ADH6: variants seen among roughly 807,000 people sequenced by gnomAD.
The protein encoded by ADH6 is alcohol dehydrogenase 6 (class V).
A neutral mutation model predicts 36.5 loss-of-function variants in ADH6; 34 were observed. The ratio of observed to expected loss-of-function variants is 0.93; its 90% CI spans 0.71 to 1.24. The LOEUF (loss-of-function observed/expected upper bound fraction) is 1.24. Ranked by LOEUF, ADH6 falls within the 50% of genes most tolerant of loss-of-function variation. ADH6 has a pLI of 0.00. For synonymous variants in ADH6, 161 were observed against 155.5 expected, an observed-to-expected ratio of 1.04 and a Z score of -0.26; for missense variants, 440 against 447.0, an observed-to-expected ratio of 0.98 and a Z score of 0.14.
chr4:99,204,427 AG>A, intron 8 of ADH6, 184 bp from the exon 9 acceptor site: 1 of 1,406,038 alleles, frequency 7.1e-7, no homozygotes, highest in Non-Finnish European at 9.2e-7. Context: ...AAGGGTAAAA[AG>A]TAGGTAAGCA....
chr4:99,205,973 G>A lies in ADH6; in HGVS notation c.965-910C>T, dbSNP rs1393578780. ...TAATTTAAGTTTGTTTCTGTTATGT[G>A]TAACCAAGAATACTAATTACTGTTC... On this transcript the variant is annotated intron_variant, in intron 7 of 8. Coordinates refer to ENST00000394899, the MANE Select transcript of ADH6 (RefSeq NM_001102470.2). Among the ~76,000 whole-genome samples the A allele has an allele frequency of 2.0e-5, 3 of 152,058 alleles. No individual in the cohort carries two copies. In the East Asian group the frequency reaches 5.8e-4, roughly 29 times the overall value.
chr4:99,205,812 T>C (rs1017195249), intron 7 of ADH6, among the ~76,000 whole-genome samples: 3 of 152,162 alleles, frequency 2.0e-5, no homozygotes, highest in African/African-American at 4.8e-5. Flanking sequence ...TAATGTGGCG[T>C]AATCTGCTTA....
intron 3 of ADH6, 118 bp downstream of exon 3, chr4:99,213,488 G>C (rs1196002053): frequency 1.0e-6 from 1 of 954,330 alleles, no homozygotes; most frequent in Non-Finnish European, 1.5e-6. Flanking sequence ...TTTCTAAGAA[G>C]TTGGAAACAT....
rs559724528 is a variant in ADH6 at position 99,210,552 on chromosome 4, G to T, written c.263-50C>A. ...TTAACATATTATTTTTTAAAGTAAA[G>T]ACATAGCTGTCTTTCAGGATTTTGA... On this transcript the variant is annotated intron_variant, in intron 3 of 8. Coordinates refer to ENST00000394899, the MANE Select transcript of ADH6 (RefSeq NM_001102470.2). 6.4e-6 allele frequency: 9 copies of T among 1,415,196 alleles called. No homozygotes were observed. The South Asian group carries it at 9.8e-5, about 15-fold the overall frequency. 87.7% of individuals were successfully genotyped at this position (1,415,196 alleles called of 1,614,324 possible).
In ADH6 at chr4:99,207,448, C is replaced by T. The variant is rs1397954670; in HGVS notation, c.962G>A (p.Gly321Glu). Residue 321 changes from glycine to glutamate, a missense_variant and splice_region_variant, in exon 7 of 9, where the codon GGA becomes GAA. Transcript: ENST00000394899. ...SGRSLKGSVF[G>E]GWKSRQHIPK... ...ACCTTTCCCTGCTTCATCCATACCT[C>T]CAAAAACAGAACCCTTCAAAGAACG... 2 of 1,613,170 alleles carry T rather than the reference C, an allele frequency of 1.2e-6. No individual in the cohort carries two copies. The highest frequency in any genetic ancestry group is 8.5e-7 in the Non-Finnish European group (1 of 1,179,450).
At chr4:99,212,155 T>C (rs916893096) in intron 3 of ADH6, among the ~76,000 whole-genome samples, 1 of 152,186 alleles carries the variant, frequency 6.6e-6, no homozygotes, top group Non-Finnish European at 1.5e-5. Context: ...GTTTCTAGAA[T>C]TGAAACTGTT....
rs576633024 is a variant in ADH6 at position 99,203,043 on chromosome 4, C to A, written c.*1176G>T. The A allele has an allele frequency of 1.4e-4, 55 of 380,972 alleles. No homozygotes were observed. The highest frequency in any genetic ancestry group is 1.1e-3 in the African/African-American group (53 of 48,304). The allele number at this position is 380,972 out of a possible 1,614,324, so 23.6% of individuals were successfully genotyped here. A position where few individuals can be genotyped will look rare whatever the true frequency, so the allele number is the denominator to read the frequency against. ...TGGGAGAGAGAGACTGAGGGTGCAG[C>A]CCACCTTCCTGGCCAGTGTTAAATC... On this transcript the variant is annotated 3_prime_UTR_variant, in exon 9 of 9. Transcript: ENST00000394899.
intron 1 of ADH6, among the ~76,000 whole-genome samples, chr4:99,217,257 T>G (rs552499988): frequency 5.9e-5 from 9 of 152,044 alleles, no homozygotes; most frequent in Non-Finnish European, 7.4e-5. Flanking sequence ...AGGATGTTCT[T>G]GATCTCCTGA....
Position 99,204,221 on chromosome 4 carries a change from A to C in ADH6, c.1126T>G (p.Ter376GluextTer19). 3 of 1,602,762 alleles carry C rather than the reference A, an allele frequency of 1.9e-6. No homozygotes were observed. The South Asian group carries it at 3.3e-5, about 18-fold the overall frequency. ...GTCTTGCATGTATTACATTGTACTT[A>C]AAGTAACAGGATACAGCGGATACTG... is the stretch of plus-strand genomic sequence containing the variant. ...GKCIRCILLL[*>E] The change falls in exon 9 of 9, where the codon TAA becomes GAA. Residue 376 changes from the stop codon to glutamate, a stop_lost. Transcript: ENST00000394899.
intron 7 of ADH6, among the ~76,000 whole-genome samples, chr4:99,206,032 T>C (rs1331101757): frequency 6.6e-6 from 1 of 152,186 alleles, no homozygotes; most frequent in East Asian, 1.9e-4. Context: ...TGTATATTTC[T>C]ATTTGTTTTT....
At chr4:99,204,406 C>A in intron 8 of ADH6, 163 bp from the exon 9 acceptor site, 1 of 1,411,594 alleles carries the variant, frequency 7.1e-7, no homozygotes, top group Non-Finnish European at 9.2e-7. Flanking sequence ...TTTAAAATGA[C>A]ATGAAACTCC....
chr4:99,207,309 G>T, intron 7 of ADH6, 137 bp downstream of exon 7: 1 of 1,077,356 alleles, frequency 9.3e-7, no homozygotes, highest in Non-Finnish European at 1.3e-6. Context: ...TTTATATTGG[G>T]TATTCATATG....
At chr4:99,205,694 C>T (rs1052536096) in intron 7 of ADH6, among the ~76,000 whole-genome samples, 12 of 152,094 alleles carry the variant, frequency 7.9e-5, no homozygotes, top group African/African-American at 2.7e-4. Flanking sequence ...TCAAGAAACA[C>T]ATTAAATTTA....
chr4:99,211,429 A>G (rs1731222470), intron 3 of ADH6, among the ~76,000 whole-genome samples: 1 of 152,142 alleles, frequency 6.6e-6, no homozygotes, highest in Admixed American at 6.6e-5. Context: ...ATGAACACTG[A>G]TAGATATTTA....
chr4:99,213,732 G>A lies in ADH6; in HGVS notation c.136C>T (p.Leu46=). Residue 46 remains leucine, a synonymous_variant, in exon 3 of 9, where the codon CTG becomes TTG. Coordinates refer to ENST00000394899, the MANE Select transcript of ADH6 (RefSeq NM_001102470.2). ...AACACTTTCATCTCTGTACCACACA[G>A]TCCGGTGGCCACAACCTGTATGGAA... ...EVRIKVVATG[L]CGTEMKVLGS... 2 of 1,608,550 alleles carry A rather than the reference G, an allele frequency of 1.2e-6. No homozygotes were observed. The highest frequency in any genetic ancestry group is 1.7e-6 in the Non-Finnish European group (2 of 1,178,074).
intron 5 of ADH6, 95 bp downstream of exon 5, chr4:99,209,987 T>C (rs1731165481): frequency 7.7e-7 from 1 of 1,306,462 alleles, no homozygotes; most frequent in Non-Finnish European, 1.1e-6. Flanking sequence ...CTTGGGATTT[T>C]TCCTTTGGTA....
At chr4:99,208,083 T>C (rs1200060948) in intron 6 of ADH6, among the ~76,000 whole-genome samples, 1 of 152,122 alleles carries the variant, frequency 6.6e-6, no homozygotes, top group Admixed American at 6.5e-5. Flanking sequence ...TGGTGAATCA[T>C]GAAAAGATTT....
At chr4:99,207,891 G>T (rs1731092048) in intron 6 of ADH6, among the ~76,000 whole-genome samples, 1 of 152,014 alleles carries the variant, frequency 6.6e-6, no homozygotes, top group Non-Finnish European at 1.5e-5. Flanking sequence ...ACTGATGCAG[G>T]TGGCTGGTAA....
chr4:99,205,349 G>A (rs542646579), intron 7 of ADH6, among the ~76,000 whole-genome samples: 65 of 152,204 alleles, frequency 4.3e-4, no homozygotes, highest in African/African-American at 1.5e-3. Flanking sequence ...TCTCTGGGGA[G>A]CAGTGAATCT....
Sources: allele counts gnomAD v4.1 joint callset (sites outside exome capture counted in the v4.1 genomes callset), GRCh38; gene constraint gnomAD v4.1.1; transcripts MANE v1.5; gene names NCBI Gene and HGNC (gene_info 2026-07-23, HGNC 2026-07-21).